The following GRIN2A variants were observed in gnomAD, a reference collection of about 807,000 sequenced individuals.
GRIN2A encodes the protein glutamate receptor ionotropic, NMDA 2A.
In GRIN2A, 22 loss-of-function variants were observed where a neutral mutation model predicts 113.4. The ratio of observed to expected loss-of-function variants is 0.19; its 90% confidence interval spans 0.14 to 0.28. The LOEUF is 0.28. GRIN2A is among the 10% of genes least tolerant of loss of function. GRIN2A has a pLI of 1.00. For synonymous variants in GRIN2A, 827 were observed against 738.4 expected (o/e 1.12, Z -1.94); for missense variants, 1,502 against 1,887.0 (o/e 0.80, Z 3.78).
rs557405622 is a variant in GRIN2A, at chr16:9,864,770, C to G, written c.1123-14809G>C. Among the ~76,000 whole-genome samples the G allele has an allele frequency of 1.2e-4, 19 of 152,228 alleles. 1 individual carries two copies. Among genetic ancestry groups the G allele is most frequent in the Middle Eastern group, 6.8e-3 (2 of 294 alleles). On this transcript the variant is annotated intron_variant, in intron 4 of 12. Transcript: ENST00000330684. ...CCCCCTCGCCTGTGAAAAGTTATTGCGTTGTGAGAGGTGAAATGTCTGGAA... is the reference window on the plus strand; with the variant it reads ...CCCCCTCGCCTGTGAAAAGTTATTGGGTTGTGAGAGGTGAAATGTCTGGAA...
intron 4 of GRIN2A, among the ~76,000 whole-genome samples, chr16:9,862,339 A>G (rs2043084481): frequency 6.6e-6 from 1 of 152,196 alleles, no homozygotes; most frequent in African/African-American, 2.4e-5. Context: ...TCCTCTCGTA[A>G]TAACTGCTCT....
intron 12 of GRIN2A, among the ~76,000 whole-genome samples, chr16:9,767,956 A>G (rs559175252): frequency 1.7e-4 from 26 of 152,382 alleles, no homozygotes; most frequent in African/African-American, 6.3e-4. Context: ...CATCTTGCAT[A>G]GCAGCATTAG....
intron 2 of GRIN2A, among the ~76,000 whole-genome samples, chr16:9,962,310 T>A (rs2045458462): frequency 6.6e-6 from 1 of 151,960 alleles, no homozygotes; most frequent in African/African-American, 2.4e-5. Flanking sequence ...GAAACCACCA[T>A]CAGAGTGAAC....
At chr16:10,112,394 C>A in intron 2 of GRIN2A, 1 of 690,288 alleles carries the variant, frequency 1.4e-6, no homozygotes, top group South Asian at 1.6e-5. Context: ...TGATGGCCTG[C>A]GGTCAGCCCC....
At position 10,182,341 on chromosome 16, in the gene GRIN2A, C is replaced by A. The variant is rs1448183420; in HGVS notation, c.-483G>T. 1.3e-5 allele frequency: 2 copies of A among 152,382 alleles called. No individual in the cohort carries two copies. The highest frequency in any genetic ancestry group is 3.1e-3 in the Middle Eastern group (1 of 320). 9.4% of individuals were successfully genotyped at this position (152,382 alleles called of 1,614,324 possible). A position where few individuals can be genotyped will look rare whatever the true frequency, so the allele number is the denominator to read the frequency against. ...ACGAGAAGCTAACTGGGCACCTCCA[C>A]CCGCACCCCCTACCACCTCCCCAGC... On this transcript the variant is annotated 5_prime_UTR_variant, in exon 1 of 13. Transcript: ENST00000330684.
At chr16:10,009,847 C>G (rs1034771335) in intron 2 of GRIN2A, among the ~76,000 whole-genome samples, 1 of 152,196 alleles carries the variant, frequency 6.6e-6, no homozygotes, top group Non-Finnish European at 1.5e-5. Flanking sequence ...AGCTAAGTCA[C>G]ATGACCGGAG....
At chr16:10,123,449 G>A (rs1041483237) in intron 2 of GRIN2A, among the ~76,000 whole-genome samples, 4 of 152,048 alleles carry the variant, frequency 2.6e-5, no homozygotes, top group African/African-American at 9.7e-5. Flanking sequence ...ACAGCTCCTC[G>A]TTGATGCCAT....
rs140835995 is a variant in GRIN2A, at chr16:10,040,622, G to A, written c.415-102071C>T. Among the ~76,000 whole-genome samples the A allele has an allele frequency of 6.1e-3, 914 of 150,666 alleles. 3 individuals carry two copies. Among genetic ancestry groups the A allele is most frequent in the Non-Finnish European group, 9.2e-3 (620 of 67,698 alleles). On this transcript the variant is annotated intron_variant, in intron 2 of 12. Transcript: ENST00000330684. ...ACATCCACACCACATTCACAACTACGCACACATAAATACACATAGCATACA... is the reference window on the plus strand; with the variant it reads ...ACATCCACACCACATTCACAACTACACACACATAAATACACATAGCATACA...
At position 9,904,139 on chromosome 16, in the gene GRIN2A, G is replaced by A. The variant is rs570289929; in HGVS notation, c.1008-13039C>T. On this transcript the variant is annotated intron_variant, in intron 3 of 12. Transcript: ENST00000330684. Reference sequence around the variant, plus strand: ...CTTCTGTGTCAATGGGGGTAAGGCCGCTGTTTTCACCAGTTCAGGCTGCTA... The same window carrying A: ...CTTCTGTGTCAATGGGGGTAAGGCCACTGTTTTCACCAGTTCAGGCTGCTA... 1.4e-4 allele frequency among the ~76,000 whole-genome samples: 21 copies of A among 152,280 alleles called. No homozygotes were observed. The East Asian group carries it at 2.1e-3, about 15-fold the overall frequency.
intron 2 of GRIN2A, among the ~76,000 whole-genome samples, chr16:10,161,398 C>T (rs924082273): frequency 4.6e-5 from 7 of 152,078 alleles, no homozygotes; most frequent in African/African-American, 1.7e-4. Flanking sequence ...AGTGTGAGAA[C>T]GAACTAATAC....
chr16:9,902,663 T>C (rs900701340), intron 3 of GRIN2A, among the ~76,000 whole-genome samples: 1 of 152,192 alleles, frequency 6.6e-6, no homozygotes, highest in Non-Finnish European at 1.5e-5. Flanking sequence ...TACACCTCAG[T>C]TGCCCTCTCT....
chr16:10,090,276 T>A (rs1461795830), intron 2 of GRIN2A, among the ~76,000 whole-genome samples: 2 of 152,004 alleles, frequency 1.3e-5, no homozygotes, highest in African/African-American at 4.8e-5. Context: ...AGGACTTACA[T>A]TACCCTCATT....
Position 9,764,158 on chromosome 16 carries a change from T to C in GRIN2A, c.3386A>G (p.His1129Arg), listed in dbSNP as rs774589370. ...TTCAACAAACTGGGGTGGATCTAAG[T>C]GGAAACCAGGCTCCTTCTCACCATC... is the stretch of plus-strand genomic sequence containing the variant. Reference protein sequence around the residue: ...TIDGEKEPGFHLDPPQFVENV... With the variant: ...TIDGEKEPGFRLDPPQFVENV... The change falls in exon 13 of 13, where the codon CAC becomes CGC. Residue 1129 changes from histidine (H) to arginine (R), a missense_variant. Physicochemically the swap from His to Arg is conservative, Grantham distance 29. This residue lies in a region of GRIN2A where 832 missense variants were observed against 789.7 expected (regional missense o/e 1.05). Transcript: ENST00000330684. The C allele has an allele frequency of 2.3e-5, 37 of 1,613,370 alleles. No homozygotes were observed. The East Asian group carries it at 5.8e-4, about 25-fold the overall frequency.
At chr16:10,063,355 A>C (rs758541607) in intron 2 of GRIN2A, among the ~76,000 whole-genome samples, 2 of 152,206 alleles carry the variant, frequency 1.3e-5, no homozygotes, top group Non-Finnish European at 2.9e-5. Context: ...CACTGGATCT[A>C]AAATAAAAGT....
At chr16:9,914,905 C>CTTTTTTTTTTTTTTTTT (rs869182389) in intron 3 of GRIN2A, among the ~76,000 whole-genome samples, 1 of 33,476 alleles carries the variant, frequency 3.0e-5, no homozygotes, top group Non-Finnish European at 5.8e-5. Context: ...GATTATGCAG[C>CTTTTTTTTTTTTTTTTT]TTTTTTTTTT....
At chr16:9,996,914 T>C (rs913027838) in intron 2 of GRIN2A, among the ~76,000 whole-genome samples, 3 of 152,168 alleles carry the variant, frequency 2.0e-5, no homozygotes, top group African/African-American at 7.2e-5. Flanking sequence ...TTTTAAATCA[T>C]AAAATTATCT....
At chr16:9,862,803 G>C (rs908179557) in intron 4 of GRIN2A, among the ~76,000 whole-genome samples, 1 of 152,104 alleles carries the variant, frequency 6.6e-6, no homozygotes, top group Non-Finnish European at 1.5e-5. Context: ...TAAAAAAGGA[G>C]CTCTTTCATA....
chr16:10,103,783 A>G (rs1023300338), intron 2 of GRIN2A, among the ~76,000 whole-genome samples: 1 of 152,150 alleles, frequency 6.6e-6, no homozygotes, highest in Non-Finnish European at 1.5e-5. Flanking sequence ...TTTTGTCTCT[A>G]TGGGCTCTAC....
rs1174653855 is a variant in GRIN2A at position 9,790,510 on chromosome 16, T to C, written c.2356+7767A>G. Among the ~76,000 whole-genome samples, 6 of 152,202 alleles carry C rather than the reference T, an allele frequency of 3.9e-5. No individual in the cohort carries two copies. The East Asian group carries it at 1.2e-3, about 29-fold the overall frequency. ...ATATTGCACATATTAAATATGTGCA[T>C]ATATGTGCCTCATATGCATATTGCA... On this transcript the variant is annotated intron_variant, in intron 11 of 12. Transcript: ENST00000330684.
Sources: gnomAD v4.1 joint callset for allele counts (sites outside exome capture counted in the v4.1 genomes callset) on GRCh38, gnomAD v4.1.1 for gene constraint, gnomAD v4.1.1 regional missense constraint, MANE v1.5 for transcripts, NCBI Gene and HGNC (gene_info 2026-07-23, HGNC 2026-07-21) for gene names.